The following OMA1 variants were observed in gnomAD, a reference collection of about 807,000 sequenced individuals.
OMA1 encodes the protein metalloendopeptidase OMA1, mitochondrial.
In OMA1, 38 loss-of-function variants were observed where a neutral mutation model predicts 30.9. The observed-to-expected ratio is 1.23, with a 90% CI of 0.95 to 1.61. OMA1 has a LOEUF of 1.61. OMA1 is among the 40% of genes most tolerant of loss of function. The pLI, the probability that OMA1 is intolerant of heterozygous loss-of-function variation, is 0.00. For synonymous variants in OMA1, 173 were observed against 121.9 expected (o/e 1.42, Z -2.76); for missense variants, 461 against 349.2 (o/e 1.32, Z -2.55).
chr1:58,520,565 T>C (rs1190185656), intron 7 of OMA1, among the ~76,000 whole-genome samples: 3 of 152,148 alleles, frequency 2.0e-5, no homozygotes, highest in Non-Finnish European at 4.4e-5. Context: ...ACAACAGCAA[T>C]GTTCTGTTTA....
intron 7 of OMA1, among the ~76,000 whole-genome samples, chr1:58,518,042 T>A (rs957908912): frequency 1.3e-5 from 2 of 150,516 alleles, no homozygotes; most frequent in African/African-American, 2.4e-5. Flanking sequence ...CAAAATTAGC[T>A]AGGCATGGTG....
At position 58,523,666 on chromosome 1, in the gene OMA1, A is replaced by G. The variant is rs1458255147; in HGVS notation, c.1215+3595T>C. Among the ~76,000 whole-genome samples, 6 of 152,244 alleles carry G rather than the reference A, an allele frequency of 3.9e-5. No homozygotes were observed. In the South Asian group the frequency reaches 6.2e-4, roughly 16 times the overall value. ...TGTAATCCCAGCACTTTGGGAGGCC[A>G]AGGAGGGCGGATCACGAGGTCAGGA... On this transcript the variant is annotated intron_variant, in intron 7 of 8. Transcript: ENST00000371226.
intron 1 of OMA1, among the ~76,000 whole-genome samples, chr1:58,545,402 T>C (rs1000731523): frequency 6.6e-6 from 1 of 152,166 alleles, no homozygotes; most frequent in African/African-American, 2.4e-5. Context: ...AAACAGTGCC[T>C]GATATTTTGT....
chr1:58,527,391 A>G (rs111820063), intron 6 of OMA1, 56 bp from the exon 7 acceptor site: 1 of 824,806 alleles, frequency 1.2e-6, no homozygotes, highest in South Asian at 1.3e-5. Flanking sequence ...CGAAAAAAGG[A>G]GTAACACAGA....
intron 8 of OMA1, among the ~76,000 whole-genome samples, chr1:58,501,233 C>A (rs1645902133): frequency 6.6e-6 from 1 of 152,080 alleles, no homozygotes; most frequent in Admixed American, 6.6e-5. Context: ...TTGAAATTCA[C>A]ATTTAAAAAA....
At chr1:58,481,725 AG>A (rs1645486343) in intron 8 of OMA1, among the ~76,000 whole-genome samples, 2 of 152,118 alleles carry the variant, frequency 1.3e-5, no homozygotes, top group African/African-American at 2.4e-5. Flanking sequence ...TGAATCATGG[AG>A]GTGGGTGTTT....
At position 58,517,603 on chromosome 1, in the gene OMA1, T is replaced by C. The variant is rs191285352; in HGVS notation, c.1215+9658A>G. On this transcript the variant is annotated intron_variant, in intron 7 of 8. Transcript: ENST00000371226. ...GAATGTTTCCTGTATCTCCAATTCA[T>C]AATACTTCAAACTTTGTTAAAATTA... Among the ~76,000 whole-genome samples, 20 of 152,326 alleles carry C rather than the reference T, an allele frequency of 1.3e-4. No individual in the cohort carries two copies. In the East Asian group the frequency reaches 3.5e-3, roughly 26 times the overall value.
chr1:58,509,113 G>A (rs865823583), intron 7 of OMA1, among the ~76,000 whole-genome samples: 1 of 152,162 alleles, frequency 6.6e-6, no homozygotes, highest in Middle Eastern at 3.4e-3. Context: ...AAGGCTAAGA[G>A]GTTGCTGTTT....
chr1:58,545,341 T>C (rs1256800172), intron 1 of OMA1, among the ~76,000 whole-genome samples: 1 of 152,220 alleles, frequency 6.6e-6, no homozygotes, highest in Non-Finnish European at 1.5e-5. Context: ...GCATATATAA[T>C]TAAAACCATT....
At chr1:58,540,543 A>G (rs910200173) in intron 1 of OMA1, among the ~76,000 whole-genome samples, 4 of 151,388 alleles carry the variant, frequency 2.6e-5, no homozygotes, top group South Asian at 2.1e-4. Flanking sequence ...GATATGTAAT[A>G]TATTTCTTTA....
intron 7 of OMA1, among the ~76,000 whole-genome samples, chr1:58,516,558 T>G (rs1290066839): frequency 6.6e-6 from 1 of 152,066 alleles, no homozygotes; most frequent in African/African-American, 2.4e-5. Context: ...AAATGAAAAA[T>G]TAAAAGAACT....
rs2100416741 is a variant in OMA1 at position 58,506,120 on chromosome 1, C to A, written c.1305G>T (p.Trp435Cys). Residue 435 changes from tryptophan to cysteine, a missense_variant, in exon 8 of 9, where the codon TGG becomes TGT. Coordinates refer to ENST00000371226, the MANE Select transcript of OMA1 (RefSeq NM_145243.5). ...SLHGQPKMPE[W>C]LSTHPSHGNR... ...TGCCATGAGAAGGGTGTGTAGATAA[C>A]CATTCTGGCATCTTGGGTTGGCCAT... The A allele has an allele frequency of 1.1e-6, 1 of 872,284 alleles. No individual in the cohort carries two copies. The highest frequency in any genetic ancestry group is 2.4e-5 in the East Asian group (1 of 41,688). The allele number at this position is 872,284 out of a possible 1,614,324, so 54.0% of individuals were successfully genotyped here. A position where few individuals can be genotyped will look rare whatever the true frequency, so the allele number is the denominator to read the frequency against.
At chr1:58,492,223 A>G (rs559136691) in intron 8 of OMA1, among the ~76,000 whole-genome samples, 1 of 152,344 alleles carries the variant, frequency 6.6e-6, no homozygotes, top group East Asian at 1.9e-4. Context: ...CAACGAGAAC[A>G]AAGACACAAC....
At chr1:58,503,294 C>A (rs1645936654) in intron 8 of OMA1, among the ~76,000 whole-genome samples, 1 of 152,126 alleles carries the variant, frequency 6.6e-6, no homozygotes, top group Non-Finnish European at 1.5e-5. Context: ...TTGGATAGCA[C>A]AAAGGACCCT....
intron 8 of OMA1, among the ~76,000 whole-genome samples, chr1:58,500,795 G>A (rs887837884): frequency 1.3e-5 from 2 of 152,156 alleles, no homozygotes; most frequent in East Asian, 3.8e-4. Context: ...GGGTTGGTAA[G>A]TGAAGTGGAG....
At chr1:58,494,196 G>A (rs973472944) in intron 8 of OMA1, among the ~76,000 whole-genome samples, 1 of 152,146 alleles carries the variant, frequency 6.6e-6, no homozygotes, top group African/African-American at 2.4e-5. Flanking sequence ...AAATGGTGCT[G>A]GGAAAACTGG....
rs369243123 is a variant in OMA1, at chr1:58,533,232, A to T, written c.1011+721T>A. On this transcript the variant is annotated intron_variant, in intron 5 of 8. Transcript: ENST00000371226. ...ATCAACTTGAATTCTATGATCTATAAGAAAAGCGCTGCTAAAAACCAGGTA... is the reference window on the plus strand; with the variant it reads ...ATCAACTTGAATTCTATGATCTATATGAAAAGCGCTGCTAAAAACCAGGTA... 3.3e-5 allele frequency among the ~76,000 whole-genome samples: 5 copies of T among 152,360 alleles called. No homozygotes were observed. In the East Asian group the frequency reaches 5.8e-4, roughly 18 times the overall value.
At chr1:58,496,021 C>A (rs72672209) in intron 8 of OMA1, among the ~76,000 whole-genome samples, 7,354 of 152,216 alleles carry the variant, frequency 0.048, 225 homozygotes, top group African/African-American at 0.063. Context: ...CTCCTAAAAA[C>A]CCATCTTGAG....
chr1:58,492,122 A>G (rs1373017395), intron 8 of OMA1, among the ~76,000 whole-genome samples: 3 of 152,130 alleles, frequency 2.0e-5, no homozygotes, highest in Admixed American at 2.0e-4. Context: ...ACTCAAAACC[A>G]CTCAACCACA....
Sources: allele counts gnomAD v4.1 joint callset (sites outside exome capture counted in the v4.1 genomes callset), GRCh38; gene constraint gnomAD v4.1.1; transcripts MANE v1.5; gene names NCBI Gene and HGNC (gene_info 2026-07-23, HGNC 2026-07-21).